CASKIN1: variants seen among roughly 807,000 people sequenced by gnomAD.
CASKIN1 encodes the protein caskin-1.
In CASKIN1, 42 loss-of-function variants were observed where a neutral mutation model predicts 117.5. The ratio of observed to expected loss-of-function variants is 0.36; its 90% CI spans 0.28 to 0.46. CASKIN1 has a LOEUF of 0.46. Among genes scored for constraint, CASKIN1 ranks in the 20% least tolerant of loss-of-function variants. The pLI, the probability that CASKIN1 is intolerant of heterozygous loss-of-function variation, is 1.00. For synonymous variants in CASKIN1, 1,148 were observed against 961.7 expected (o/e 1.19, Z -3.59); for missense variants, 2,083 against 2,077.3 (o/e 1.00, Z -0.05).
In CASKIN1 at chr16:2,182,584, T is replaced by C. The variant is rs2093171410; in HGVS notation, c.1630-655A>G. On this transcript the variant is annotated intron_variant, in intron 16 of 19. Transcript: ENST00000343516. The surrounding 1 kb of genome is among the most constrained non-coding windows in gnomAD (Gnocchi z 4.1). ...GCCCGTGGGACCCGGACCTGACCCC[T>C]AGGAGGATCCCCGAGCCACCAATTG... Among the ~76,000 whole-genome samples, 1 of 152,106 alleles carries C rather than the reference T, an allele frequency of 6.6e-6. No individual in the cohort carries two copies. The highest frequency in any genetic ancestry group is 2.4e-5 in the African/African-American group (1 of 41,416).
At chr16:2,195,174 C>T (rs1161917067) in intron 1 of CASKIN1, among the ~76,000 whole-genome samples, 1 of 152,236 alleles carries the variant, frequency 6.6e-6, no homozygotes, top group Non-Finnish European at 1.5e-5. Flanking sequence ...GCCTGCAAGG[C>T]ACCGGTGCCC....
rs1422200360 is a variant in CASKIN1, at chr16:2,187,194, G to A, written c.807C>T (p.Ala269=). The A allele has an allele frequency of 3.1e-6, 5 of 1,613,974 alleles. No individual in the cohort carries two copies. The highest frequency in any genetic ancestry group is 1.7e-5 in the Admixed American group (1 of 60,028). Residue 269 remains alanine (A), a synonymous_variant, in exon 8 of 20, where the codon GCC becomes GCT. Coordinates refer to ENST00000343516, the MANE Select transcript of CASKIN1 (RefSeq NM_020764.4). ...GCAACAGCTGCTTGATCTCCCTGCT[G>A]GCCTGGGACGTGGTGAACTGGTGCA... The part of the protein sequence containing the change: ...DIVHQFTTSQ[A]SREIKQLLRE...
intron 10 of CASKIN1, 124 bp downstream of exon 10, chr16:2,186,583 T>C (rs1203937775): frequency 1.3e-6 from 1 of 762,754 alleles, no homozygotes; most frequent in Non-Finnish European, 2.2e-6. Context: ...TGCTCCCCAC[T>C]CAACCCCACG....
At chr16:2,181,645 G>T in intron 17 of CASKIN1, 46 bp from the exon 18 acceptor site, 1 of 1,522,426 alleles carries the variant, frequency 6.6e-7, no homozygotes. Context: ...GGAGGCGGAG[G>T]GGCAGGGGCC....
intron 10 of CASKIN1, 25 bp from the exon 11 acceptor site, chr16:2,185,433 A>C: frequency 6.4e-7 from 1 of 1,565,770 alleles, no homozygotes; most frequent in Non-Finnish European, 8.7e-7. Flanking sequence ...AAGCCTCCTA[A>C]GTCCTGGGCC....
At chr16:2,190,475 G>A in intron 1 of CASKIN1, 117 bp from the exon 2 acceptor site, 1 of 899,750 alleles carries the variant, frequency 1.1e-6, no homozygotes, top group Non-Finnish European at 1.8e-6. Context: ...TGGGCTCTCA[G>A]TCTGCAGACA....
chr16:2,195,533 C>T (rs1288937137), intron 1 of CASKIN1, among the ~76,000 whole-genome samples: 5 of 152,238 alleles, frequency 3.3e-5, no homozygotes, highest in African/African-American at 2.4e-5. Flanking sequence ...AGGGAGGCTA[C>T]GCGCTGAGCC....
intron 6 of CASKIN1, among the ~76,000 whole-genome samples, 160 bp from the exon 7 acceptor site, chr16:2,187,621 C>T (rs931918369): frequency 6.6e-6 from 1 of 152,124 alleles, no homozygotes; most frequent in African/African-American, 2.4e-5. Flanking sequence ...GAGTGCTGAG[C>T]GCTTTTTTTT....
Position 2,182,066 on chromosome 16 carries a change from T to C in CASKIN1, c.1630-137A>G, listed in dbSNP as rs2093169899. ...GAGGACAAACGGATAGGCCGAGGTA[T>C]TGGCACCAGAAATGTAGGCAGAGCC... On this transcript the variant is annotated intron_variant, in intron 16 of 19. Transcript: ENST00000343516. This position sits in a 1 kb window ranked among gnomAD's most constrained non-coding sequence, Gnocchi z 4.1. 8.1e-7 allele frequency: 1 copy of C among 1,230,132 alleles called. No individual in the cohort carries two copies. Among genetic ancestry groups the C allele is most frequent in the Non-Finnish European group, 1.1e-6 (1 of 877,730 alleles). The allele number at this position is 1,230,132 out of a possible 1,614,324, so 76.2% of individuals were successfully genotyped here.
At chr16:2,184,274 G>A (rs538384356) in intron 14 of CASKIN1, among the ~76,000 whole-genome samples, 1 of 152,302 alleles carries the variant, frequency 6.6e-6, no homozygotes, top group Admixed American at 6.5e-5. Flanking sequence ...TCTTGGGGAT[G>A]CAGGTGGTAT....
chr16:2,185,192 G>C lies in CASKIN1; in HGVS notation c.1158C>G (p.Asp386Glu). 1.2e-6 allele frequency: 2 copies of C among 1,611,040 alleles called. No individual in the cohort carries two copies. The highest frequency in any genetic ancestry group is 1.7e-4 in the Middle Eastern group (1 of 6,058). The change falls in exon 12 of 20, where the codon GAC (aspartate) becomes GAG (glutamate). Residue 386 changes from aspartate to glutamate, a missense_variant. By Grantham distance (45) the Asp-to-Glu change is conservative (BLOSUM62 2). Around this residue, in one of 3 missense-constraint regions of CASKIN1, gnomAD observed 1,818 missense variants for 1,688.9 expected, o/e 1.08. Transcript: ENST00000343516. ...WVLRKPFAGG[D>E]RSGSISGMAG... ...CCATGCCGCTAATGCTGCCGCTTCG[G>C]TCCCCACCTGCCAGCACAAGGGAGC...
Position 2,196,152 on chromosome 16 carries a change from G to A in CASKIN1, c.94+187C>T, listed in dbSNP as rs1433594220. The stretch of plus-strand genomic sequence containing the variant: ...CTCACGGTGGCGGCCGGCTCTCGGG[G>A]CCGCCCCATCTCCAGTGCTGGGGGC... On this transcript the variant is annotated intron_variant, in intron 1 of 19. Coordinates refer to ENST00000343516, the MANE Select transcript of CASKIN1 (RefSeq NM_020764.4). This position sits in a 1 kb window ranked among gnomAD's most constrained non-coding sequence, Gnocchi z 5.7. 6.6e-6 allele frequency among the ~76,000 whole-genome samples: 1 copy of A among 151,926 alleles called. No individual in the cohort carries two copies. The highest frequency in any genetic ancestry group is 2.0e-4 in the East Asian group (1 of 5,128).
chr16:2,179,929 T>G lies in CASKIN1; in HGVS notation c.3439A>C (p.Thr1147Pro), dbSNP rs1243274063. 3.7e-6 allele frequency: 6 copies of G among 1,606,134 alleles called. No individual in the cohort carries two copies. Among genetic ancestry groups the G allele is most frequent in the East Asian group, 2.2e-5 (1 of 44,532 alleles). Reference sequence around the variant, plus strand: ...TTGGCCTTGGGCCTGCGCTTGACCGTGTCAGACTCGGTCAGGATGAACTTG... The same window carrying G: ...TTGGCCTTGGGCCTGCGCTTGACCGGGTCAGACTCGGTCAGGATGAACTTG... ...NVKFILTESD[T>P]VKRRPKAKER... Residue 1147 changes from threonine to proline, a missense_variant, in exon 18 of 20, where the codon ACG becomes CCG. By Grantham distance (38) the Thr-to-Pro change is conservative. This residue lies in a region of CASKIN1 where 1,818 missense variants were observed against 1,688.9 expected (regional missense o/e 1.08). Transcript: ENST00000343516. The surrounding 1 kb of genome is among the most constrained non-coding windows in gnomAD (Gnocchi z 5.8).
chr16:2,187,620 G>A (rs371594242), intron 6 of CASKIN1, among the ~76,000 whole-genome samples, 159 bp from the exon 7 acceptor site: 2 of 152,292 alleles, frequency 1.3e-5, no homozygotes, highest in East Asian at 3.9e-4. Flanking sequence ...TGAGTGCTGA[G>A]CGCTTTTTTT....
Position 2,178,832 on chromosome 16 carries a change from ATC to A in CASKIN1, c.4199+68_4199+69del, listed in dbSNP as rs899018040. The A allele has an allele frequency of 5.9e-4, 722 of 1,224,268 alleles. 2 individuals carry two copies. The highest frequency in any genetic ancestry group is 7.9e-4 in the South Asian group (45 of 56,872). The allele number at this position is 1,224,268 out of a possible 1,614,324, so 75.8% of individuals were successfully genotyped here. A position where few individuals can be genotyped will look rare whatever the true frequency, so the allele number is the denominator to read the frequency against. On this transcript the variant is annotated intron_variant, in intron 19 of 19. Transcript: ENST00000343516. ...CGCCCATCTCTGCCGAGCCCCGCCC[ATC>A]TCTGCCGAGCCCCGCCCATCTCTGC...
rs371316464 is a variant in CASKIN1 at position 2,189,644 on chromosome 16, C to T, written c.245-80G>A. 463 of 1,453,676 alleles carry T rather than the reference C, an allele frequency of 3.2e-4. 5 individuals are homozygous for T. The South Asian group carries it at 4.9e-3, about 15-fold the overall frequency. The allele number at this position is 1,453,676 out of a possible 1,614,324, so 90.0% of individuals were successfully genotyped here. On this transcript the variant is annotated intron_variant, in intron 3 of 19. Transcript: ENST00000343516. ...AGGATAGGGGGGTGCTGGGACCTGA[C>T]CCCTGACCCCAAGTCCAACCCTGGG...
rs2093214890 is a variant in CASKIN1 at position 2,196,031 on chromosome 16, C to T, written c.94+308G>A. On this transcript the variant is annotated intron_variant, in intron 1 of 19. Transcript: ENST00000343516. This position sits in a 1 kb window ranked among gnomAD's most constrained non-coding sequence, Gnocchi z 5.7. ...CCAGCAGAGACCTCCAGCTGTCAGC[C>T]CGCAGCCTGGGAAGGGAGGGGGACA... Among the ~76,000 whole-genome samples the T allele has an allele frequency of 6.6e-6, 1 of 152,018 alleles. No individual in the cohort carries two copies. The highest frequency in any genetic ancestry group is 1.5e-5 in the Non-Finnish European group (1 of 67,946).
chr16:2,184,648 G>C (rs575229680), intron 14 of CASKIN1, 129 bp downstream of exon 14: 2 of 655,642 alleles, frequency 3.1e-6, no homozygotes, highest in Non-Finnish European at 4.8e-6. Flanking sequence ...ACAGAGGAGA[G>C]GGTCTGGCCT....
Position 2,179,036 on chromosome 16 carries a change from C to A in CASKIN1, c.4065G>T (p.Ala1355=). Residue 1355 remains alanine (A), a synonymous_variant, in exon 19 of 20, where the codon GCG becomes GCT. Transcript: ENST00000343516. The surrounding 1 kb of genome is among the most constrained non-coding windows in gnomAD (Gnocchi z 5.8). ...AGGCGCCTTCGGGCGGGGCGGGGGG[C>A]GCGGCGGCGGCGGCGGCGGCGGCGG... is the stretch of plus-strand genomic sequence containing the variant. The part of the protein sequence containing the change: ...AAAAAAAAAA[A]PPAPPEGASP... The A allele has an allele frequency of 9.0e-7, 1 of 1,116,468 alleles. No homozygotes were observed. The highest frequency in any genetic ancestry group is 1.1e-6 in the Non-Finnish European group (1 of 914,814). 69.2% of individuals were successfully genotyped at this position (1,116,468 alleles called of 1,614,324 possible). A position where few individuals can be genotyped will look rare whatever the true frequency, so the allele number is the denominator to read the frequency against.
Sources: allele counts gnomAD v4.1 joint callset (sites outside exome capture counted in the v4.1 genomes callset), GRCh38; gene constraint gnomAD v4.1.1; regional missense constraint gnomAD v4.1.1; non-coding constraint Gnocchi (gnomAD v3.1); transcripts MANE v1.5; gene names NCBI Gene and HGNC (gene_info 2026-07-23, HGNC 2026-07-21).